Variants in TMEM132B observed in about 807,000 individuals in gnomAD.
The protein encoded by TMEM132B is transmembrane protein 132B.
Under a neutral mutation model 90.8 loss-of-function variants are expected in TMEM132B, and 18 were observed. The observed-to-expected ratio is 0.20, with a 90% CI of 0.14 to 0.29. The LOEUF is 0.29. TMEM132B is among the 10% of genes least tolerant of loss of function. The pLI is 1.00. For missense variants in TMEM132B, 1,096 were observed against 1,326.8 expected, an observed-to-expected ratio of 0.83 and a Z score of 2.70; for synonymous variants, 504 against 523.3, an observed-to-expected ratio of 0.96 and a Z score of 0.50.
chr12:125,331,097 G>A (rs1463257963), intron 1 of TMEM132B, among the ~76,000 whole-genome samples: 3 of 152,328 alleles, frequency 2.0e-5, no homozygotes, highest in East Asian at 3.9e-4. Flanking sequence ...CCACTGGGTG[G>A]CGGTGTTGCC....
intron 4 of TMEM132B, among the ~76,000 whole-genome samples, chr12:125,531,000 C>T (rs1037879156): frequency 5.9e-5 from 9 of 152,170 alleles, no homozygotes; most frequent in African/African-American, 1.9e-4. Flanking sequence ...TGCACCTTCG[C>T]GTGTGCAGTG....
intron 2 of TMEM132B, among the ~76,000 whole-genome samples, chr12:125,400,969 C>A (rs1331396853): frequency 1.3e-5 from 2 of 152,080 alleles, no homozygotes; most frequent in African/African-American, 4.8e-5. Flanking sequence ...TGGGTCCTGC[C>A]CCCCAGACCT....
At chr12:125,592,598 T>C (rs1885340970) in intron 5 of TMEM132B, among the ~76,000 whole-genome samples, 1 of 152,082 alleles carries the variant, frequency 6.6e-6, no homozygotes, top group South Asian at 2.1e-4. Context: ...GGTCACTAGA[T>C]AAAGCCTGAT....
intron 5 of TMEM132B, among the ~76,000 whole-genome samples, chr12:125,623,864 A>G (rs1423843854): frequency 6.6e-6 from 1 of 152,148 alleles, no homozygotes; most frequent in East Asian, 1.9e-4. Flanking sequence ...TGTGAACTCT[A>G]TGCCTTTAAG....
chr12:125,533,255 A>G (rs879710919), intron 4 of TMEM132B, among the ~76,000 whole-genome samples: 1 of 152,212 alleles, frequency 6.6e-6, no homozygotes, highest in Admixed American at 6.5e-5. Context: ...GTCACATAAT[A>G]CATGTATGAT....
chr12:125,625,422 C>T (rs1037175659), intron 5 of TMEM132B, among the ~76,000 whole-genome samples: 9 of 152,176 alleles, frequency 5.9e-5, no homozygotes, highest in African/African-American at 2.2e-4. Context: ...CGTGAGCCAC[C>T]GCGCCCGGTC....
chr12:125,592,872 C>T (rs759054290), intron 5 of TMEM132B, among the ~76,000 whole-genome samples: 7 of 152,150 alleles, frequency 4.6e-5, no homozygotes, highest in Non-Finnish European at 1.0e-4. Flanking sequence ...GGATCTAAGG[C>T]AGGAACAAGT....
intron 3 of TMEM132B, among the ~76,000 whole-genome samples, chr12:125,470,037 C>CGGGTTGA (rs1881668450): frequency 2.6e-5 from 4 of 152,192 alleles, no homozygotes; most frequent in African/African-American, 9.6e-5. Flanking sequence ...AAGGCACATG[C>CGGGTTGA]GGGTTGAAAG....
intron 1 of TMEM132B, among the ~76,000 whole-genome samples, chr12:125,307,250 G>C (rs1389311874): frequency 6.6e-6 from 1 of 152,114 alleles, no homozygotes; most frequent in Non-Finnish European, 1.5e-5. Flanking sequence ...ACAAGACCAG[G>C]GATTCTGTCC....
chr12:125,618,438 G>A (rs1248918977), intron 5 of TMEM132B, among the ~76,000 whole-genome samples: 1 of 152,112 alleles, frequency 6.6e-6, no homozygotes, highest in East Asian at 1.9e-4. Flanking sequence ...AAATAACACA[G>A]CTACACCTGG....
At chr12:125,359,939 G>A (rs1225879239) in intron 2 of TMEM132B, among the ~76,000 whole-genome samples, 3 of 152,154 alleles carry the variant, frequency 2.0e-5, no homozygotes, top group Admixed American at 6.5e-5. Context: ...TTAGCTGGGC[G>A]TGGTGGCACG....
At chr12:125,305,498 A>G (rs1173667278) in intron 1 of TMEM132B, among the ~76,000 whole-genome samples, 1 of 152,174 alleles carries the variant, frequency 6.6e-6, no homozygotes, top group Non-Finnish European at 1.5e-5. Flanking sequence ...GGCATAAAGT[A>G]AAGCCTTGAG....
At chr12:125,370,655 C>A (rs181906548) in intron 2 of TMEM132B, among the ~76,000 whole-genome samples, 1 of 152,138 alleles carries the variant, frequency 6.6e-6, no homozygotes, top group African/African-American at 2.4e-5. Context: ...GCAATCCTCC[C>A]GCGTCAGCCT....
At chr12:125,576,097 T>C (rs1288374838) in intron 4 of TMEM132B, among the ~76,000 whole-genome samples, 1 of 152,106 alleles carries the variant, frequency 6.6e-6, no homozygotes, top group Non-Finnish European at 1.5e-5. Context: ...TATTAAGTTT[T>C]CCAATCTATG....
chr12:125,330,825 T>A (rs1018134195), intron 1 of TMEM132B, among the ~76,000 whole-genome samples: 1 of 152,242 alleles, frequency 6.6e-6, no homozygotes, highest in African/African-American at 2.4e-5. Context: ...AAGGACTGCC[T>A]GAGGCCAGGA....
chr12:125,614,082 T>C (rs78709802), intron 5 of TMEM132B, among the ~76,000 whole-genome samples: 11,498 of 152,286 alleles, frequency 0.076, 507 homozygotes, highest in East Asian at 0.15. Context: ...TATACTTTCA[T>C]ACTGTGTCTT....
chr12:125,448,607 C>T (rs940968286), intron 3 of TMEM132B, among the ~76,000 whole-genome samples: 3 of 152,188 alleles, frequency 2.0e-5, no homozygotes, highest in Non-Finnish European at 4.4e-5. Context: ...TGTTCATTGA[C>T]ATTTAGTTTG....
At chr12:125,200,548 G>A (rs1300669406) in intron 1 of TMEM132B, among the ~76,000 whole-genome samples, 2 of 152,108 alleles carry the variant, frequency 1.3e-5, no homozygotes, top group Non-Finnish European at 2.9e-5. Context: ...ATGAGATGGG[G>A]GATTCCTCAG....
intron 4 of TMEM132B, among the ~76,000 whole-genome samples, chr12:125,528,294 C>A (rs1182259749): frequency 1.3e-5 from 2 of 152,118 alleles, no homozygotes; most frequent in Non-Finnish European, 2.9e-5. Context: ...AACGACTGTT[C>A]TTAAAACTAA....
Sources: allele counts gnomAD v4.1 joint callset (sites outside exome capture counted in the v4.1 genomes callset), GRCh38; gene constraint gnomAD v4.1.1; transcripts MANE v1.5; gene names NCBI Gene and HGNC (gene_info 2026-07-23, HGNC 2026-07-21).